HHAT: variants seen among roughly 807,000 people sequenced by gnomAD.
The protein encoded by HHAT is protein-cysteine N-palmitoyltransferase HHAT.
Under a neutral mutation model 70.8 loss-of-function variants are expected in HHAT, and 47 were observed. The ratio of observed to expected loss-of-function variants is 0.66; its 90% confidence interval spans 0.53 to 0.85. HHAT has a LOEUF of 0.85. HHAT is among the 40% of genes least tolerant of loss of function. The pLI is 0.00. For synonymous variants in HHAT, 228 were observed against 247.6 expected (o/e 0.92, Z 0.74); for missense variants, 609 against 604.8 (o/e 1.01, Z -0.07).
At position 210,526,341 on chromosome 1, in the gene HHAT, T is replaced by G. The variant is rs536074130; in HGVS notation, c.1043+13153T>G. On this transcript the variant is annotated intron_variant, in intron 9 of 11. Coordinates refer to ENST00000261458, the MANE Select transcript of HHAT (RefSeq NM_018194.6). ...GATTGTGCAAACTGCCTAACCTTCCTTAATAAACTAACCAGAGTGGGTTCT... is the reference window on the plus strand; with the variant it reads ...GATTGTGCAAACTGCCTAACCTTCCGTAATAAACTAACCAGAGTGGGTTCT... Among the ~76,000 whole-genome samples the G allele has an allele frequency of 2.7e-5, 4 of 146,466 alleles. No homozygotes were observed. In the South Asian group the frequency reaches 8.9e-4, roughly 32 times the overall value.
intron 7 of HHAT, among the ~76,000 whole-genome samples, chr1:210,450,809 T>C (rs933139938): frequency 1.1e-4 from 16 of 152,072 alleles, no homozygotes; most frequent in African/African-American, 3.6e-4. Context: ...CTCTTCTACT[T>C]CCTACACTAT....
intron 10 of HHAT, among the ~76,000 whole-genome samples, chr1:210,603,747 C>T (rs1483129209): frequency 6.6e-6 from 1 of 152,146 alleles, no homozygotes; most frequent in East Asian, 1.9e-4. Flanking sequence ...TGCAGGACTT[C>T]CAAAATAAAA....
chr1:210,637,520 T>G (rs1241520897), intron 11 of HHAT, among the ~76,000 whole-genome samples: 1 of 152,056 alleles, frequency 6.6e-6, no homozygotes, highest in Non-Finnish European at 1.5e-5. Flanking sequence ...GATGAGAAAC[T>G]TGTATCTAGA....
At chr1:210,578,876 T>TA (rs1428871416) in intron 9 of HHAT, among the ~76,000 whole-genome samples, 1 of 152,190 alleles carries the variant, frequency 6.6e-6, no homozygotes, top group Non-Finnish European at 1.5e-5. Context: ...ACTGTAGCAC[T>TA]ATTCACAATA....
chr1:210,386,222 C>CTTTTTTCTTTTTTTTTTTTTTTTTTTT (rs1558409107), intron 3 of HHAT, among the ~76,000 whole-genome samples: 11 of 69,890 alleles, frequency 1.6e-4, no homozygotes, highest in African/African-American at 5.9e-4. Flanking sequence ...GAGTCCTTTT[C>CTTTTTTCTTTTTTTTTTTTTTTTTTTT]TTTTTTTCTT....
chr1:210,667,133 A>G (rs1679073727), intron 11 of HHAT, among the ~76,000 whole-genome samples: 1 of 151,726 alleles, frequency 6.6e-6, no homozygotes, highest in African/African-American at 2.4e-5. Context: ...CTGTAATCCC[A>G]CCACTTTGAG....
intron 9 of HHAT, among the ~76,000 whole-genome samples, chr1:210,563,407 A>G (rs1418138954): frequency 6.6e-6 from 1 of 152,182 alleles, no homozygotes; most frequent in East Asian, 1.9e-4. Flanking sequence ...GAAGGAGCCT[A>G]AAGGTGAAAT....
At chr1:210,449,435 A>G (rs1351154128) in intron 7 of HHAT, among the ~76,000 whole-genome samples, 2 of 152,064 alleles carry the variant, frequency 1.3e-5, no homozygotes, top group Non-Finnish European at 2.9e-5. Flanking sequence ...CTGAAGTTGC[A>G]TCACCATTCC....
intron 9 of HHAT, among the ~76,000 whole-genome samples, chr1:210,569,362 A>T (rs1655599836): frequency 7.0e-6 from 1 of 141,994 alleles, no homozygotes; most frequent in Non-Finnish European, 1.5e-5. Context: ...CGACAGAGCC[A>T]GAGTCTGCCT....
At chr1:210,375,863 TAAAAA>T (rs71678097) in intron 3 of HHAT, among the ~76,000 whole-genome samples, 2 of 143,640 alleles carry the variant, frequency 1.4e-5, no homozygotes. Flanking sequence ...GTTCAATAAT[TAAAAA>T]AAAAAAAAAA....
At chr1:210,581,514 C>T (rs1269437662) in intron 9 of HHAT, among the ~76,000 whole-genome samples, 1 of 152,210 alleles carries the variant, frequency 6.6e-6, no homozygotes, top group Non-Finnish European at 1.5e-5. Context: ...CACCTCACCA[C>T]CAGTGTAACA....
chr1:210,649,092 G>A (rs1428695581), intron 11 of HHAT, among the ~76,000 whole-genome samples: 1 of 152,074 alleles, frequency 6.6e-6, no homozygotes, highest in Admixed American at 6.5e-5. Context: ...TCTTGGCCTC[G>A]GCAAATACTT....
At chr1:210,453,099 T>C (rs1307841801) in intron 7 of HHAT, among the ~76,000 whole-genome samples, 1 of 152,206 alleles carries the variant, frequency 6.6e-6, no homozygotes, top group African/African-American at 2.4e-5. Context: ...CTTTTTCTCA[T>C]TCTACAACAT....
chr1:210,617,969 A>G (rs1480836728), intron 10 of HHAT, among the ~76,000 whole-genome samples: 8 of 152,234 alleles, frequency 5.3e-5, no homozygotes, highest in African/African-American at 1.9e-4. Context: ...TAGGGCAAAG[A>G]GCGAGATGGG....
At chr1:210,336,469 A>C (rs982173199) in intron 1 of HHAT, among the ~76,000 whole-genome samples, 5 of 151,934 alleles carry the variant, frequency 3.3e-5, no homozygotes, top group Non-Finnish European at 7.4e-5. Flanking sequence ...CTTGGTAATT[A>C]CATAAGGCTT....
At chr1:210,613,985 A>C in intron 10 of HHAT, among the ~76,000 whole-genome samples, 1 of 144,196 alleles carries the variant, frequency 6.9e-6, no homozygotes. Flanking sequence ...GTGCTACTGC[A>C]CTCCAGCCTG....
chr1:210,522,258 C>T (rs2095169752), intron 9 of HHAT, among the ~76,000 whole-genome samples: 1 of 152,048 alleles, frequency 6.6e-6, no homozygotes, highest in African/African-American at 2.4e-5. Flanking sequence ...GGGAGGAGTC[C>T]CCAGGTATCT....
At chr1:210,580,928 T>C (rs117879924) in intron 9 of HHAT, among the ~76,000 whole-genome samples, 2 of 152,304 alleles carry the variant, frequency 1.3e-5, no homozygotes, top group East Asian at 3.9e-4. Flanking sequence ...TTGAACTAAT[T>C]TACATTCCCA....
rs61377693 is a variant in HHAT, at chr1:210,459,549, G to A, written c.857-4956G>A. 5.9e-5 allele frequency among the ~76,000 whole-genome samples: 9 copies of A among 152,228 alleles called. No homozygotes were observed. The East Asian group carries it at 1.7e-3, about 29-fold the overall frequency. On this transcript the variant is annotated intron_variant, in intron 7 of 11. Transcript: ENST00000261458. Reference sequence around the variant, plus strand: ...CATAAGAAGGAAGTATGATGAGAGAGGACAGATCATAAGGGAGTATGATGA... The same window carrying A: ...CATAAGAAGGAAGTATGATGAGAGAAGACAGATCATAAGGGAGTATGATGA...
Sources: gnomAD v4.1 joint callset for allele counts (sites outside exome capture counted in the v4.1 genomes callset) on GRCh38, gnomAD v4.1.1 for gene constraint, MANE v1.5 for transcripts, NCBI Gene and HGNC (gene_info 2026-07-23, HGNC 2026-07-21) for gene names.